The following ABTB2 variants were observed in gnomAD, a reference collection of about 807,000 sequenced individuals.
The protein encoded by ABTB2 is ankyrin repeat and BTB/POZ domain-containing protein 2.
In ABTB2, 56 loss-of-function variants were observed where a neutral mutation model predicts 104.1. That is an observed-to-expected ratio of 0.54 (90% CI 0.43 to 0.67). The LOEUF is 0.67. Ranked by LOEUF, ABTB2 falls within the 30% of genes least tolerant of loss-of-function variation. The probability of loss-of-function intolerance (pLI) is 0.00; values close to 1 mark genes in which losing one functional copy is unlikely to be tolerated. For missense variants in ABTB2, 1,279 were observed against 1,407.7 expected, an observed-to-expected ratio of 0.91 and a Z score of 1.46; for synonymous variants, 606 against 608.2, an observed-to-expected ratio of 1.00 and a Z score of 0.05.
chr11:34,334,418 A>G (rs1855168337), intron 1 of ABTB2, among the ~76,000 whole-genome samples: 1 of 152,184 alleles, frequency 6.6e-6, no homozygotes, highest in East Asian at 1.9e-4. Context: ...AAGGGTATGA[A>G]TGGTGGCCTG....
In ABTB2 at chr11:34,357,049, C is replaced by T; in HGVS notation, c.535G>A (p.Val179Ile). The stretch of plus-strand genomic sequence containing the variant: ...ATGCTGTACAGGGACAGCGCCTTGA[C>T]GGCTGCCAGCGCGCAGCTCTCGGCC... The part of the protein sequence containing the change: ...ALAESCALAA[V>I]KALSLYSMSA... The change falls in exon 1 of 17, where the codon GTC becomes ATC. Residue 179 changes from valine (V) to isoleucine (I), a missense_variant. By Grantham distance (29) the Val-to-Ile change is conservative. Coordinates refer to ENST00000435224, the MANE Select transcript of ABTB2 (RefSeq NM_145804.3). 1 of 1,529,068 alleles carries T rather than the reference C, an allele frequency of 6.5e-7. No individual in the cohort carries two copies. The highest frequency in any genetic ancestry group is 1.4e-5 in the African/African-American group (1 of 73,010). The allele number at this position is 1,529,068 out of a possible 1,614,324, so 94.7% of individuals were successfully genotyped here.
chr11:34,304,110 G>T (rs539669720), intron 1 of ABTB2, among the ~76,000 whole-genome samples: 1 of 152,272 alleles, frequency 6.6e-6, no homozygotes, highest in East Asian at 1.9e-4. Context: ...GCTGAGGACG[G>T]AATCATCCCT....
chr11:34,295,284 C>T (rs1223640914), intron 1 of ABTB2, among the ~76,000 whole-genome samples: 1 of 152,154 alleles, frequency 6.6e-6, no homozygotes, highest in Non-Finnish European at 1.5e-5. Context: ...AATGATCTTA[C>T]ACAGGCTAGA....
Position 34,162,639 on chromosome 11 carries a change from C to G in ABTB2, c.2155G>C (p.Glu719Gln), listed in dbSNP as rs1852738568. The G allele has an allele frequency of 6.2e-7, 1 of 1,613,634 alleles. No homozygotes were observed. The highest frequency in any genetic ancestry group is 2.2e-5 in the East Asian group (1 of 44,890). The change falls in exon 10 of 17, where the codon GAG becomes CAG. Residue 719 changes from glutamate (E) to glutamine (Q), a missense_variant. Coordinates refer to ENST00000435224, the MANE Select transcript of ABTB2 (RefSeq NM_145804.3). ...TGCTCAGCGCTGTAGTACATGGCCTCCTGTAGGGCCTTGGTGCGGGTCCGG... is the reference window on the plus strand; with the variant it reads ...TGCTCAGCGCTGTAGTACATGGCCTGCTGTAGGGCCTTGGTGCGGGTCCGG... ...LSRTRTKALQ[E>Q]AMYYSAEHGY... is the part of the protein sequence containing the mutation.
chr11:34,226,161 C>T (rs1370144683), intron 1 of ABTB2, among the ~76,000 whole-genome samples: 1 of 146,110 alleles, frequency 6.8e-6, no homozygotes, highest in Non-Finnish European at 1.5e-5. Flanking sequence ...GAGATTGCAC[C>T]ACTACTCTCC....
intron 13 of ABTB2, 124 bp from the exon 14 acceptor site, chr11:34,159,510 G>A: frequency 2.9e-6 from 2 of 683,906 alleles, no homozygotes; most frequent in Admixed American, 2.4e-5. Context: ...TTACTGCTGT[G>A]CTCCTAAAAT....
intron 3 of ABTB2, among the ~76,000 whole-genome samples, chr11:34,191,598 T>G (rs1160664465): frequency 6.6e-6 from 1 of 152,176 alleles, no homozygotes; most frequent in East Asian, 1.9e-4. Flanking sequence ...AGGGCAGACC[T>G]TTATAGGAGC....
At chr11:34,289,458 A>G (rs75990470) in intron 1 of ABTB2, among the ~76,000 whole-genome samples, 41 of 152,292 alleles carry the variant, frequency 2.7e-4, no homozygotes, top group African/African-American at 9.9e-4. Context: ...TGAAAACTCA[A>G]TTATCATTAT....
rs1855411224 is a variant in ABTB2, at chr11:34,352,549, T to C, written c.883+4152A>G. ...ACTTAGTCCACAGCACTTTTAACAG[T>C]GGTGGGTACAGGGTCAGTGCTCAAT... is the stretch of plus-strand genomic sequence containing the variant. On this transcript the variant is annotated intron_variant, in intron 1 of 16. Coordinates refer to ENST00000435224, the MANE Select transcript of ABTB2 (RefSeq NM_145804.3). 2.0e-5 allele frequency among the ~76,000 whole-genome samples: 3 copies of C among 152,236 alleles called. No individual in the cohort carries two copies. The South Asian group carries it at 6.2e-4, about 31-fold the overall frequency.
intron 1 of ABTB2, among the ~76,000 whole-genome samples, chr11:34,332,992 G>A (rs560811055): frequency 6.6e-6 from 1 of 152,108 alleles, no homozygotes; most frequent in Non-Finnish European, 1.5e-5. Flanking sequence ...GTCAACAATG[G>A]CCATTCATAA....
At chr11:34,254,143 A>C (rs76871553) in intron 1 of ABTB2, among the ~76,000 whole-genome samples, 1,956 of 152,214 alleles carry the variant, frequency 0.013, 106 homozygotes, top group Admixed American at 0.1. Flanking sequence ...CCTCACAACA[A>C]CACCATAAGG....
intron 4 of ABTB2, among the ~76,000 whole-genome samples, chr11:34,172,624 G>A (rs931898342): frequency 1.2e-4 from 18 of 152,060 alleles, no homozygotes; most frequent in African/African-American, 4.1e-4. Flanking sequence ...GTTCAAATCT[G>A]GGCACGGTAA....
chr11:34,330,847 G>A (rs1855120966), intron 1 of ABTB2, among the ~76,000 whole-genome samples: 1 of 152,234 alleles, frequency 6.6e-6, no homozygotes, highest in African/African-American at 2.4e-5. Context: ...CCCAAGCTAT[G>A]TGCATGCAGT....
intron 1 of ABTB2, among the ~76,000 whole-genome samples, chr11:34,291,349 A>C (rs1854563540): frequency 6.6e-6 from 1 of 152,300 alleles, no homozygotes; most frequent in Admixed American, 6.5e-5. Flanking sequence ...GGAGGAGGGA[A>C]AGCTGAAGAC....
chr11:34,152,952 C>T lies in ABTB2; in HGVS notation c.2881-368G>A, dbSNP rs569084972. The stretch of plus-strand genomic sequence containing the variant: ...ATGCTGGATAAAGATGTTCACTCAA[C>T]ACATATCAAGGGGCCGCTCTGGGTT... On this transcript the variant is annotated intron_variant, in intron 16 of 16. Transcript: ENST00000435224. Among the ~76,000 whole-genome samples the T allele has an allele frequency of 1.4e-4, 21 of 152,310 alleles. 2 individuals are homozygous for T. In the South Asian group the frequency reaches 3.9e-3, roughly 29 times the overall value.
rs1852558652 is a variant in ABTB2, at chr11:34,152,518, G to T, written c.2947C>A (p.Leu983Met). ...AGCTGCCGGAAGGCATCCTGCTCCA[G>T]TAGGGCCTTCATGTGCTTGAGGAAG... The part of the protein sequence containing the change: ...GFFLKHMKAL[L>M]EQDAFRQLIY... The change falls in exon 17 of 17, where the codon CTG becomes ATG. Residue 983 changes from leucine (L) to methionine (M), a missense_variant. Leu to Met is a conservative substitution (Grantham distance 15). Transcript: ENST00000435224. 12 of 1,611,644 alleles carry T rather than the reference G, an allele frequency of 7.4e-6. No individual in the cohort carries two copies. Among genetic ancestry groups the T allele is most frequent in the Non-Finnish European group, 1.0e-5 (12 of 1,179,466 alleles).
At chr11:34,161,580 G>A (rs1029792768) in intron 10 of ABTB2, among the ~76,000 whole-genome samples, 8 of 152,276 alleles carry the variant, frequency 5.3e-5, no homozygotes, top group African/African-American at 1.9e-4. Flanking sequence ...AGCTTGAAAC[G>A]AACCCGGTCC....
chr11:34,219,094 T>C (rs1455836482), intron 1 of ABTB2, among the ~76,000 whole-genome samples: 1 of 152,184 alleles, frequency 6.6e-6, no homozygotes, highest in Non-Finnish European at 1.5e-5. Flanking sequence ...CCCAGTTTTC[T>C]AATCTGGAGG....
At chr11:34,355,300 A>T (rs1414958068) in intron 1 of ABTB2, among the ~76,000 whole-genome samples, 1 of 152,190 alleles carries the variant, frequency 6.6e-6, no homozygotes, top group Non-Finnish European at 1.5e-5. Flanking sequence ...CAAACCAGAA[A>T]AACAAAGCTG....
Sources: gnomAD v4.1 joint callset for allele counts (sites outside exome capture counted in the v4.1 genomes callset) on GRCh38, gnomAD v4.1.1 for gene constraint, MANE v1.5 for transcripts, NCBI Gene and HGNC (gene_info 2026-07-23, HGNC 2026-07-21) for gene names.